The following USP25 variants were observed in gnomAD, a reference collection of about 807,000 sequenced individuals.
USP25 encodes the protein ubiquitin specific peptidase 25.
Under a neutral mutation model 158.5 loss-of-function variants are expected in USP25, and 85 were observed. The observed-to-expected ratio is 0.54, with a 90% CI of 0.45 to 0.64. The LOEUF is 0.64. USP25 is among the 30% of genes least tolerant of loss of function. USP25 has a pLI of 0.00. For synonymous variants in USP25, 464 were observed against 460.4 expected (o/e 1.01, Z -0.10); for missense variants, 1,242 against 1,327.3 (o/e 0.94, Z 1.00).
intron 9 of USP25, among the ~76,000 whole-genome samples, chr21:15,812,067 G>A (rs572642573): frequency 6.6e-6 from 1 of 151,652 alleles, no homozygotes. Context: ...ATGTTCGTAC[G>A]TTTTTGTTTG....
chr21:15,845,502 T>C (rs933907849), intron 18 of USP25, among the ~76,000 whole-genome samples: 1 of 152,152 alleles, frequency 6.6e-6, no homozygotes, highest in Non-Finnish European at 1.5e-5. Context: ...TCTTCCCCCT[T>C]TCAGCTTTTA....
At chr21:15,848,162 A>G (rs1437168392) in intron 19 of USP25, among the ~76,000 whole-genome samples, 4 of 152,132 alleles carry the variant, frequency 2.6e-5, no homozygotes, top group Admixed American at 6.6e-5. Context: ...TTTTCCCACT[A>G]TCTCCTGCCA....
rs375946180 is a variant in USP25 at position 15,875,282 on chromosome 21, G to C, written c.3009+756G>C. Reference sequence around the variant, plus strand: ...GTATAGCTGACTTTAAACATACATAGAACCAAAACCTGATGGTTCCTCTGA... The same window carrying C: ...GTATAGCTGACTTTAAACATACATACAACCAAAACCTGATGGTTCCTCTGA... On this transcript the variant is annotated intron_variant, in intron 24 of 25. Transcript: ENST00000400183. The surrounding 1 kb of genome is among the most constrained non-coding windows in gnomAD (Gnocchi z 4.7). Among the ~76,000 whole-genome samples the C allele has an allele frequency of 7.4e-4, 112 of 152,190 alleles. No individual in the cohort carries two copies. The highest frequency in any genetic ancestry group is 3.4e-3 in the Middle Eastern group (1 of 294).
rs79005518 is a variant in USP25 at position 15,861,879 on chromosome 21, T to A, written c.2548-2389T>A. 1.9e-3 allele frequency among the ~76,000 whole-genome samples: 282 copies of A among 152,246 alleles called. 1 individual carries two copies. Among genetic ancestry groups the A allele is most frequent in the African/African-American group, 6.6e-3 (274 of 41,576 alleles). On this transcript the variant is annotated intron_variant, in intron 20 of 25. Coordinates refer to ENST00000400183, the MANE Select transcript of USP25 (RefSeq NM_001283041.3). ...GAAGTGTCTTTCTACCTCTGCTGGTTTAAACACCTATATACTGAAAAATAC... is the reference window on the plus strand; with the variant it reads ...GAAGTGTCTTTCTACCTCTGCTGGTATAAACACCTATATACTGAAAAATAC...
chr21:15,734,820 G>T (rs2031327893), intron 1 of USP25, among the ~76,000 whole-genome samples: 1 of 151,698 alleles, frequency 6.6e-6, no homozygotes, highest in Non-Finnish European at 1.5e-5. Flanking sequence ...CTTTTTCTTT[G>T]CAGTGAATGA....
At chr21:15,754,990 T>A (rs2033281158) in intron 1 of USP25, among the ~76,000 whole-genome samples, 1 of 152,212 alleles carries the variant, frequency 6.6e-6, no homozygotes, top group Non-Finnish European at 1.5e-5. Flanking sequence ...AGCAGGTAGA[T>A]GCAGAGGTTT....
In USP25 at chr21:15,766,627, A is replaced by G. The variant is rs924236734; in HGVS notation, c.268+486A>G. 1.6e-4 allele frequency among the ~76,000 whole-genome samples: 24 copies of G among 152,100 alleles called. No individual in the cohort carries two copies. Among genetic ancestry groups the G allele is most frequent in the African/African-American group, 5.5e-4 (23 of 41,460 alleles). On this transcript the variant is annotated intron_variant, in intron 3 of 25. Transcript: ENST00000400183. This position sits in a 1 kb window ranked among gnomAD's most constrained non-coding sequence, Gnocchi z 4.0. The stretch of plus-strand genomic sequence containing the variant: ...TGAAATTGCCTTTCATCCAAAAGAA[A>G]AAAAGAAAAGAAAACTTGGAAAAAG...
intron 3 of USP25, among the ~76,000 whole-genome samples, chr21:15,771,026 T>G (rs1173023262): frequency 6.6e-6 from 1 of 152,208 alleles, no homozygotes; most frequent in African/African-American, 2.4e-5. Flanking sequence ...ATCTTCTAAT[T>G]AGTGCCATTA....
In USP25 at chr21:15,849,660, A is replaced by G. The variant is rs146859975; in HGVS notation, c.2452-117A>G. 6.5e-4 allele frequency: 494 copies of G among 762,014 alleles called. 3 individuals carry two copies. The African/African-American group carries it at 7.8e-3, about 12-fold the overall frequency. 47.2% of individuals were successfully genotyped at this position (762,014 alleles called of 1,614,324 possible). On this transcript the variant is annotated intron_variant, in intron 19 of 25. Coordinates refer to ENST00000400183, the MANE Select transcript of USP25 (RefSeq NM_001283041.3). The stretch of plus-strand genomic sequence containing the variant: ...ACATGCATATTGGATTAAATTTGGT[A>G]TTAAAAGTGCAACATTTGATTTATA...
intron 17 of USP25, among the ~76,000 whole-genome samples, chr21:15,841,677 A>T (rs967710762): frequency 6.6e-6 from 1 of 152,082 alleles, no homozygotes; most frequent in African/African-American, 2.4e-5. Flanking sequence ...TATATATATG[A>T]TTATTTGGTT....
intron 1 of USP25, among the ~76,000 whole-genome samples, chr21:15,761,715 C>T (rs1045791807): frequency 4.6e-5 from 7 of 152,164 alleles, no homozygotes; most frequent in African/African-American, 1.7e-4. Flanking sequence ...GAAATGCAAA[C>T]CCTGGAAGCA....
chr21:15,779,971 G>A (rs2034873071), intron 4 of USP25, among the ~76,000 whole-genome samples: 1 of 152,068 alleles, frequency 6.6e-6, no homozygotes, highest in South Asian at 2.1e-4. Flanking sequence ...AGGAAAAGAG[G>A]ATGTGGAGAG....
intron 23 of USP25, among the ~76,000 whole-genome samples, chr21:15,872,658 TAATCTC>T (rs2039943376): frequency 1.3e-5 from 2 of 152,222 alleles, no homozygotes; most frequent in Non-Finnish European, 2.9e-5. Flanking sequence ...ATGTTATACT[TAATCTC>T]AAAAACAAAT....
Position 15,879,955 on chromosome 21 carries a change from C to T in USP25, c.*1480C>T, listed in dbSNP as rs2146629674. 6.6e-6 allele frequency: 1 copy of T among 152,258 alleles called. No homozygotes were observed. Among genetic ancestry groups the T allele is most frequent in the Non-Finnish European group, 1.5e-5 (1 of 68,000 alleles). The allele number at this position is 152,258 out of a possible 1,614,324, so 9.4% of individuals were successfully genotyped here. A position where few individuals can be genotyped will look rare whatever the true frequency, so the allele number is the denominator to read the frequency against. The stretch of plus-strand genomic sequence containing the variant: ...TTTAGATTTTAAGTTGTCTACTGAG[C>T]AGATTTCTGCATTGGTTTTCCAGTC... On this transcript the variant is annotated 3_prime_UTR_variant, in exon 26 of 26. Transcript: ENST00000400183.
chr21:15,830,793 C>G (rs1365993910), intron 15 of USP25, among the ~76,000 whole-genome samples, 192 bp downstream of exon 15: 1 of 152,002 alleles, frequency 6.6e-6, no homozygotes, highest in Non-Finnish European at 1.5e-5. Flanking sequence ...ACTTTTATAA[C>G]AAATTTATAA....
Position 15,816,925 on chromosome 21 carries a change from A to G in USP25, c.932-1773A>G, listed in dbSNP as rs550747844. On this transcript the variant is annotated intron_variant, in intron 9 of 25. Transcript: ENST00000400183. The surrounding 1 kb of genome is among the most constrained non-coding windows in gnomAD (Gnocchi z 4.0). Reference sequence around the variant, plus strand: ...GGCAGGTGGATCACTTGAGGTCAGGAGTTCGAGACCAGCCTGGCCAACATG... The same window carrying G: ...GGCAGGTGGATCACTTGAGGTCAGGGGTTCGAGACCAGCCTGGCCAACATG... 5.0e-4 allele frequency among the ~76,000 whole-genome samples: 76 copies of G among 152,216 alleles called. No individual in the cohort carries two copies. Among genetic ancestry groups the G allele is most frequent in the Non-Finnish European group, 9.4e-4 (64 of 67,994 alleles).
At chr21:15,773,747 A>G (rs774668346) in intron 3 of USP25, among the ~76,000 whole-genome samples, 1 of 152,200 alleles carries the variant, frequency 6.6e-6, no homozygotes, top group Non-Finnish European at 1.5e-5. Context: ...AAAATTTACT[A>G]TTTTAGAAAT....
intron 7 of USP25, 114 bp from the exon 8 acceptor site, chr21:15,808,695 T>C: frequency 1.6e-6 from 1 of 642,160 alleles, no homozygotes; most frequent in East Asian, 2.9e-5. Flanking sequence ...TTGTTATCTT[T>C]GTAAGGAGTT....
intron 1 of USP25, among the ~76,000 whole-genome samples, chr21:15,742,006 G>A (rs959301723): frequency 6.6e-6 from 1 of 152,046 alleles, no homozygotes; most frequent in African/African-American, 2.4e-5. Context: ...TCACATTTTA[G>A]TTGGGTTGGA....
Sources: gnomAD v4.1 joint callset for allele counts (sites outside exome capture counted in the v4.1 genomes callset) on GRCh38, gnomAD v4.1.1 for gene constraint, Gnocchi (gnomAD v3.1) non-coding constraint, MANE v1.5 for transcripts, NCBI Gene and HGNC (gene_info 2026-07-23, HGNC 2026-07-21) for gene names.